MORC3: variants seen among roughly 807,000 people sequenced by gnomAD.
MORC3 encodes the protein MORC family CW-type zinc finger 3.
In MORC3, 31 loss-of-function variants were observed where a neutral mutation model predicts 109.1. That is an observed-to-expected ratio of 0.28 (90% CI 0.21 to 0.38). MORC3 has a LOEUF of 0.38. MORC3 is among the 10% of genes least tolerant of loss of function. The pLI is 1.00. For missense variants in MORC3, 867 were observed against 1,135.8 expected (o/e 0.76, Z 3.40); for synonymous variants, 395 against 380.7 (o/e 1.04, Z -0.44).
chr21:36,325,092 C>T (rs944151318), intron 1 of MORC3, among the ~76,000 whole-genome samples: 1 of 152,136 alleles, frequency 6.6e-6, no homozygotes, highest in Non-Finnish European at 1.5e-5. Flanking sequence ...TGGTGGGCTT[C>T]ACTGTTGGGT....
At position 36,376,519 on chromosome 21, in the gene MORC3, GC is replaced by G. The variant is rs2085930944; in HGVS notation, c.*1225del. ...AAATAAATGAAGATTGTTTTTATTT[GC>G]CTGATAAAGTAATTGAAAGTGTATT... is the stretch of plus-strand genomic sequence containing the variant. On this transcript the variant is annotated 3_prime_UTR_variant, in exon 17 of 17. Coordinates refer to ENST00000400485, the MANE Select transcript of MORC3 (RefSeq NM_015358.3). 1 of 152,006 alleles carries G rather than the reference GC, an allele frequency of 6.6e-6. No homozygotes were observed. Among genetic ancestry groups the G allele is most frequent in the African/African-American group, 2.4e-5 (1 of 41,418 alleles). The allele number at this position is 152,006 out of a possible 1,614,324, so 9.4% of individuals were successfully genotyped here.
chr21:36,337,016 A>G lies in MORC3; in HGVS notation c.245+10A>G. On this transcript the variant is annotated intron_variant, in intron 3 of 16. Transcript: ENST00000400485. ...TACATAAAATGCTAAGGTAGGTAAA[A>G]ATGTGCCACACTTCTTAAAATTGTT... 1 of 1,605,394 alleles carries G rather than the reference A, an allele frequency of 6.2e-7. No homozygotes were observed. The highest frequency in any genetic ancestry group is 8.5e-7 in the Non-Finnish European group (1 of 1,177,038).
intron 10 of MORC3, 122 bp from the exon 11 acceptor site, chr21:36,359,829 TTACG>T: frequency 7.2e-7 from 1 of 1,379,406 alleles, no homozygotes; most frequent in Non-Finnish European, 1.0e-6. Flanking sequence ...TTTGAAAGAG[TTACG>T]TCATAATTTT....
At chr21:36,335,379 A>C (rs915431191) in intron 2 of MORC3, among the ~76,000 whole-genome samples, 4 of 145,816 alleles carry the variant, frequency 2.7e-5, no homozygotes, top group African/African-American at 1.0e-4. Flanking sequence ...GCAGTGGCAC[A>C]GTCTCGGCTC....
intron 15 of MORC3, among the ~76,000 whole-genome samples, chr21:36,371,828 T>G (rs2085872849): frequency 6.6e-6 from 1 of 151,704 alleles, no homozygotes; most frequent in South Asian, 2.1e-4. Flanking sequence ...TTTTTTTTTT[T>G]TTGAGATGGA....
In MORC3 at chr21:36,375,415, C is replaced by A. The variant is rs1026489481; in HGVS notation, c.*119C>A. 1.1e-6 allele frequency: 1 copy of A among 911,548 alleles called. No individual in the cohort carries two copies. The highest frequency in any genetic ancestry group is 1.6e-6 in the Non-Finnish European group (1 of 623,132). 56.5% of individuals were successfully genotyped at this position (911,548 alleles called of 1,614,324 possible). A position where few individuals can be genotyped will look rare whatever the true frequency, so the allele number is the denominator to read the frequency against. On this transcript the variant is annotated 3_prime_UTR_variant, in exon 17 of 17. Transcript: ENST00000400485. ...AACAGACTGAAAACCATAATCTTTA[C>A]TGTATTCTATGCATTCAAATGTGGT...
intron 10 of MORC3, among the ~76,000 whole-genome samples, chr21:36,359,425 A>C (rs2085686226): frequency 6.6e-6 from 1 of 152,048 alleles, no homozygotes; most frequent in Admixed American, 6.6e-5. Flanking sequence ...GTATGCCACC[A>C]CACCCAGCTC....
intron 1 of MORC3, among the ~76,000 whole-genome samples, chr21:36,322,445 C>T (rs1006131773): frequency 1.3e-5 from 2 of 152,136 alleles, no homozygotes; most frequent in African/African-American, 4.8e-5. Context: ...GATCTCGGCT[C>T]ACTGCAGCCT....
At chr21:36,355,262 G>A (rs1363791963) in intron 9 of MORC3, among the ~76,000 whole-genome samples, 8 of 152,098 alleles carry the variant, frequency 5.3e-5, no homozygotes. Context: ...GGATGCCTTT[G>A]GTATTGAAGT....
chr21:36,327,811 A>T (rs1263758886), intron 1 of MORC3, among the ~76,000 whole-genome samples: 2 of 145,262 alleles, frequency 1.4e-5, no homozygotes, highest in Non-Finnish European at 2.9e-5. Flanking sequence ...GGGTGACTCC[A>T]TTTTGATTTT....
chr21:36,360,618 G>A (rs1601534717), intron 12 of MORC3: 2 of 276,132 alleles, frequency 7.2e-6, no homozygotes, highest in South Asian at 8.5e-5. Flanking sequence ...TGCCATAGAA[G>A]CTCTGGTCCA....
chr21:36,344,672 T>C lies in MORC3; in HGVS notation c.850T>C (p.Tyr284His), dbSNP rs2085488250. 6.2e-7 allele frequency: 1 copy of C among 1,613,942 alleles called. No individual in the cohort carries two copies. Among genetic ancestry groups the C allele is most frequent in the Non-Finnish European group, 8.5e-7 (1 of 1,179,984 alleles). ...KTQLVSKSLA[Y>H]IERDVYRPKF... ...ACAGCTGGTTTCGAAGAGTCTTGCC[T>C]ACATCGAACGTGATGTTTATCGACC... The change falls in exon 7 of 17, where the codon TAC (tyrosine) becomes CAC (histidine). Residue 284 changes from tyrosine to histidine, a missense_variant. By Grantham distance (83) the Tyr-to-His change is moderately conservative. Coordinates refer to ENST00000400485, the MANE Select transcript of MORC3 (RefSeq NM_015358.3).
chr21:36,328,908 A>G (rs2085280393), intron 1 of MORC3, among the ~76,000 whole-genome samples: 1 of 148,760 alleles, frequency 6.7e-6, no homozygotes, highest in Non-Finnish European at 1.5e-5. Context: ...TGATGAGGTA[A>G]AAAAAAAAAA....
intron 1 of MORC3, among the ~76,000 whole-genome samples, chr21:36,328,920 A>AG (rs2085280690): frequency 1.3e-5 from 2 of 150,540 alleles, no homozygotes; most frequent in African/African-American, 2.4e-5. Flanking sequence ...AAAAAAAAAA[A>AG]GAAAAAGAAA....
intron 5 of MORC3, among the ~76,000 whole-genome samples, chr21:36,339,828 C>T (rs1156706894): frequency 2.0e-5 from 3 of 152,186 alleles, no homozygotes; most frequent in Non-Finnish European, 4.4e-5. Flanking sequence ...TACCTGAATT[C>T]GTTTTTCTTG....
At chr21:36,370,896 T>C (rs2085859000) in intron 15 of MORC3, among the ~76,000 whole-genome samples, 1 of 151,938 alleles carries the variant, frequency 6.6e-6, no homozygotes, top group South Asian at 2.1e-4. Flanking sequence ...CTCAAACTCC[T>C]GACATCAAGT....
At chr21:36,340,574 A>G (rs989121677) in intron 5 of MORC3, among the ~76,000 whole-genome samples, 1 of 147,906 alleles carries the variant, frequency 6.8e-6, no homozygotes, top group African/African-American at 2.5e-5. Flanking sequence ...AGGTTCTTGT[A>G]TGTATAGTTT....
chr21:36,342,473 G>A (rs1161861408), intron 6 of MORC3, among the ~76,000 whole-genome samples: 1 of 152,094 alleles, frequency 6.6e-6, no homozygotes, highest in African/African-American at 2.4e-5. Flanking sequence ...TGAGATCTCA[G>A]CTCACTGCAG....
chr21:36,343,650 T>C (rs978458036), intron 6 of MORC3, among the ~76,000 whole-genome samples: 2 of 151,382 alleles, frequency 1.3e-5, no homozygotes, highest in Non-Finnish European at 2.9e-5. Context: ...GGTTTCACTA[T>C]GTTAGCCAGG....
Sources: allele counts gnomAD v4.1 joint callset (sites outside exome capture counted in the v4.1 genomes callset), GRCh38; gene constraint gnomAD v4.1.1; transcripts MANE v1.5; gene names NCBI Gene and HGNC (gene_info 2026-07-23, HGNC 2026-07-21).